Variants in PDGFC observed in about 807,000 individuals in gnomAD.
PDGFC encodes the protein platelet-derived growth factor C.
A neutral mutation model predicts 35.5 loss-of-function variants in PDGFC; 12 were observed. That is an observed-to-expected ratio of 0.34 (90% CI 0.22 to 0.55). The LOEUF (loss-of-function observed/expected upper bound fraction) is 0.55. Ranked by LOEUF, PDGFC falls within the 20% of genes least tolerant of loss-of-function variation. PDGFC has a pLI of 0.91. For synonymous variants in PDGFC, 159 were observed against 148.8 expected, an observed-to-expected ratio of 1.07 and a Z score of -0.50; for missense variants, 322 against 412.4, an observed-to-expected ratio of 0.78 and a Z score of 1.90.
chr4:156,913,395 G>C (rs1015932244), intron 1 of PDGFC, among the ~76,000 whole-genome samples: 2 of 151,946 alleles, frequency 1.3e-5, no homozygotes, highest in African/African-American at 2.4e-5. Context: ...CTTTGTACCA[G>C]GCCAAACTGC....
intron 2 of PDGFC, among the ~76,000 whole-genome samples, chr4:156,827,446 C>T (rs1023097035): frequency 1.1e-4 from 16 of 151,598 alleles, no homozygotes; most frequent in African/African-American, 3.9e-4. Context: ...GATTGATACA[C>T]TTGTACTTCG....
chr4:156,877,845 A>G (rs2111162107), intron 1 of PDGFC, among the ~76,000 whole-genome samples: 1 of 152,082 alleles, frequency 6.6e-6, no homozygotes, highest in African/African-American at 2.4e-5. Flanking sequence ...TGCTTGGTTA[A>G]CTCTATTCAC....
chr4:156,797,377 A>C (rs1731474419), intron 3 of PDGFC, among the ~76,000 whole-genome samples: 1 of 152,202 alleles, frequency 6.6e-6, no homozygotes, highest in Non-Finnish European at 1.5e-5. Context: ...GGTTCAGAGC[A>C]ACTCCAGCAC....
chr4:156,946,533 A>G (rs552847275), intron 1 of PDGFC, among the ~76,000 whole-genome samples: 1 of 152,206 alleles, frequency 6.6e-6, no homozygotes, highest in South Asian at 2.1e-4. Flanking sequence ...GATTTTAAAC[A>G]ACAACCCCTT....
rs543061467 is a variant in PDGFC at position 156,816,218 on chromosome 4, C to A, written c.315-5201G>T. 2.0e-5 allele frequency among the ~76,000 whole-genome samples: 3 copies of A among 152,272 alleles called. No homozygotes were observed. In the South Asian group the frequency reaches 6.2e-4, roughly 32 times the overall value. ...TAAATCTACCCTATGAATTATCAAACCTGTCAGTAGTGTGAAAGAAACCCT... is the reference window on the plus strand; with the variant it reads ...TAAATCTACCCTATGAATTATCAAAACTGTCAGTAGTGTGAAAGAAACCCT... On this transcript the variant is annotated intron_variant, in intron 2 of 5. Coordinates refer to ENST00000502773, the MANE Select transcript of PDGFC (RefSeq NM_016205.3).
At chr4:156,768,261 A>C (rs1406776041) in intron 4 of PDGFC, among the ~76,000 whole-genome samples, 1 of 151,950 alleles carries the variant, frequency 6.6e-6, no homozygotes, top group Non-Finnish European at 1.5e-5. Context: ...AACAGTTGAA[A>C]GCTATAAATA....
At chr4:156,849,698 TA>T (rs1376711729) in intron 2 of PDGFC, among the ~76,000 whole-genome samples, 3 of 152,150 alleles carry the variant, frequency 2.0e-5, no homozygotes, top group Non-Finnish European at 4.4e-5. Flanking sequence ...CCTAAATATC[TA>T]ATGCTGCTTT....
intron 1 of PDGFC, among the ~76,000 whole-genome samples, chr4:156,870,087 C>T (rs1462277800): frequency 6.6e-6 from 1 of 152,006 alleles, no homozygotes. Flanking sequence ...TCCCCATTCT[C>T]TGTTTCATGT....
chr4:156,870,709 A>G (rs1729961039), intron 1 of PDGFC, among the ~76,000 whole-genome samples: 1 of 152,162 alleles, frequency 6.6e-6, no homozygotes, highest in South Asian at 2.1e-4. Context: ...TGATGTATAA[A>G]CACTACAGAA....
chr4:156,787,410 A>C (rs1731157926), intron 3 of PDGFC, among the ~76,000 whole-genome samples: 1 of 152,212 alleles, frequency 6.6e-6, no homozygotes, highest in African/African-American at 2.4e-5. Flanking sequence ...TGGAGTACCA[A>C]GTGCGATTCT....
At chr4:156,833,839 A>G (rs1429308581) in intron 2 of PDGFC, among the ~76,000 whole-genome samples, 3 of 152,190 alleles carry the variant, frequency 2.0e-5, no homozygotes, top group African/African-American at 7.2e-5. Flanking sequence ...TACTCCTTGA[A>G]GGACTGCTGT....
chr4:156,867,150 T>C (rs1729864793), intron 1 of PDGFC, among the ~76,000 whole-genome samples: 1 of 152,244 alleles, frequency 6.6e-6, no homozygotes, highest in Admixed American at 6.5e-5. Flanking sequence ...TAATTAAATA[T>C]GTTAGCATGA....
rs74628971 is a variant in PDGFC, at chr4:156,952,018, G to A, written c.118+18768C>T. 4.5e-3 allele frequency among the ~76,000 whole-genome samples: 676 copies of A among 151,890 alleles called. 21 individuals carry two copies. The East Asian group carries it at 0.1, about 22-fold the overall frequency. On this transcript the variant is annotated intron_variant, in intron 1 of 5. Transcript: ENST00000502773. ...AACCATTAGTCATATTAGCTTATTT[G>A]GGATATAAACTGTTTTAATATGTAC...
rs1730784825 is a variant in PDGFC at position 156,774,835 on chromosome 4, A to C, written c.496-1942T>G. Among the ~76,000 whole-genome samples, 3 of 151,904 alleles carry C rather than the reference A, an allele frequency of 2.0e-5. 1 individual carries two copies. The highest frequency in any genetic ancestry group is 4.2e-4 in the South Asian group (2 of 4,814). ...TACTCCTTTCATCTTTTTGTTTTTT[A>C]AATAAGTTTTATTTTGTATATCTGA... On this transcript the variant is annotated intron_variant, in intron 3 of 5. Transcript: ENST00000502773.
intron 1 of PDGFC, among the ~76,000 whole-genome samples, chr4:156,936,219 G>GT (rs1372924218): frequency 6.6e-6 from 1 of 152,158 alleles, no homozygotes; most frequent in African/African-American, 2.4e-5. Context: ...GTTTCAAAAA[G>GT]TATCTTTCTT....
At chr4:156,802,237 C>A (rs772773981) in intron 3 of PDGFC, among the ~76,000 whole-genome samples, 1 of 152,132 alleles carries the variant, frequency 6.6e-6, no homozygotes, top group Non-Finnish European at 1.5e-5. Context: ...ATCAGTCTCA[C>A]ATACTTTTTG....
intron 1 of PDGFC, among the ~76,000 whole-genome samples, chr4:156,965,821 T>C (rs1374982770): frequency 6.6e-6 from 1 of 152,162 alleles, no homozygotes; most frequent in Admixed American, 6.5e-5. Context: ...GGAAAAAAGA[T>C]AGAAATTTTA....
At chr4:156,768,798 C>T (rs1044123216) in intron 4 of PDGFC, among the ~76,000 whole-genome samples, 1 of 151,936 alleles carries the variant, frequency 6.6e-6, no homozygotes, top group Non-Finnish European at 1.5e-5. Flanking sequence ...TGAAGAATAC[C>T]TACTTTTGAG....
chr4:156,889,267 C>G (rs370455379), intron 1 of PDGFC, among the ~76,000 whole-genome samples: 1 of 152,172 alleles, frequency 6.6e-6, no homozygotes, highest in South Asian at 2.1e-4. Flanking sequence ...ACATACAGGT[C>G]TGATATTTTC....
Sources: allele counts gnomAD v4.1 joint callset (sites outside exome capture counted in the v4.1 genomes callset), GRCh38; gene constraint gnomAD v4.1.1; transcripts MANE v1.5; gene names NCBI Gene and HGNC (gene_info 2026-07-23, HGNC 2026-07-21).